The following CNKSR2 variants were observed in gnomAD, a reference collection of about 807,000 sequenced individuals.
The protein encoded by CNKSR2 is connector enhancer of kinase suppressor of Ras 2.
CNKSR2 carries 14 observed loss-of-function variants against 84.4 expected under a neutral mutation model. The observed-to-expected ratio is 0.17, with a 90% confidence interval of 0.11 to 0.26. CNKSR2 has a LOEUF of 0.26. Ranked by LOEUF, CNKSR2 falls within the 10% of genes least tolerant of loss-of-function variation. CNKSR2 has a pLI of 1.00. For missense variants in CNKSR2, 485 were observed against 771.2 expected, an observed-to-expected ratio of 0.63 and a Z score of 4.40; for synonymous variants, 275 against 277.9, an observed-to-expected ratio of 0.99 and a Z score of 0.10.
At chrX:21,631,029 T>A (rs963669892) in intron 20 of CNKSR2, among the ~76,000 whole-genome samples, 22 of 110,199 alleles carry the variant, frequency 2.0e-4, no homozygotes, top group African/African-American at 7.0e-4. Context: ...GGATTTTTTT[T>A]TAAAAAAAAA....
chrX:21,510,367 G>C (rs957121034), intron 8 of CNKSR2, among the ~76,000 whole-genome samples: 8 of 110,305 alleles, frequency 7.3e-5, no homozygotes, highest in Admixed American at 4.8e-4. Flanking sequence ...TAAAAAAAAA[G>C]GTCTGGGTTG....
chrX:21,411,060 C>G (rs1196771558), intron 1 of CNKSR2, among the ~76,000 whole-genome samples: 1 of 111,044 alleles, frequency 9.0e-6, no homozygotes. Context: ...TTATTTCAGT[C>G]ATATTTAATA....
intron 4 of CNKSR2, among the ~76,000 whole-genome samples, chrX:21,453,704 T>G (rs1476580084): frequency 8.9e-6 from 1 of 111,757 alleles, no homozygotes; most frequent in African/African-American, 3.3e-5. Flanking sequence ...CTGGGTAATT[T>G]ATAAAGAAAA....
chrX:21,465,019 C>T (rs747796249), intron 4 of CNKSR2, among the ~76,000 whole-genome samples: 10 of 112,086 alleles, frequency 8.9e-5, no homozygotes, highest in African/African-American at 2.9e-4. Flanking sequence ...TTCTTATTGA[C>T]TGTGCATTTG....
At chrX:21,495,818 A>C (rs1300847068) in intron 6 of CNKSR2, 3 of 100,107 alleles carry the variant, frequency 3.0e-5, no homozygotes, top group South Asian at 9.3e-4. Context: ...AAAAAAAAAA[A>C]AAAACACGAA....
chrX:21,615,850 G>A (rs1210023310), intron 20 of CNKSR2, among the ~76,000 whole-genome samples: 2 of 110,979 alleles, frequency 1.8e-5, no homozygotes, highest in Admixed American at 1.9e-4. Flanking sequence ...TGCTTTTGTA[G>A]GTCAAAATGA....
At chrX:21,633,411 G>T (rs1443544538) in intron 20 of CNKSR2, among the ~76,000 whole-genome samples, 3 of 112,090 alleles carry the variant, frequency 2.7e-5, no homozygotes, top group Non-Finnish European at 1.9e-5. Context: ...CACCATAAAG[G>T]TGCCGTAAAT....
chrX:21,590,036 A>T (rs1333315294), intron 13 of CNKSR2, among the ~76,000 whole-genome samples: 3 of 111,488 alleles, frequency 2.7e-5, no homozygotes, highest in Non-Finnish European at 5.7e-5. Context: ...GGGTGCTGAC[A>T]TCATCTACAT....
intron 20 of CNKSR2, among the ~76,000 whole-genome samples, chrX:21,624,544 C>G (rs2092614800): frequency 1.8e-5 from 2 of 111,211 alleles, no homozygotes; most frequent in African/African-American, 6.5e-5. Context: ...GAGTCTCACT[C>G]TGTTGCCCAG....
chrX:21,644,971 A>G (rs1287824057), intron 20 of CNKSR2: 1 of 112,255 alleles, frequency 8.9e-6, no homozygotes, highest in Admixed American at 9.5e-5. Context: ...TGAGAAATGC[A>G]TTATGATCTT....
At chrX:21,500,061 A>G (rs141727876) in intron 7 of CNKSR2, among the ~76,000 whole-genome samples, 57 of 110,858 alleles carry the variant, frequency 5.1e-4, no homozygotes, top group African/African-American at 1.5e-3. Context: ...GTTTCATGGT[A>G]CTTGTCTGAC....
intron 17 of CNKSR2, among the ~76,000 whole-genome samples, chrX:21,596,568 G>A (rs897437897): frequency 3.6e-5 from 4 of 110,684 alleles, no homozygotes; most frequent in African/African-American, 1.3e-4. Flanking sequence ...GCACAAAACT[G>A]TATAGCTGCA....
In CNKSR2 at chrX:21,432,728, G is replaced by T; in HGVS notation, c.345G>T (p.Arg115Ser). 1 of 1,210,387 alleles carries T rather than the reference G, an allele frequency of 8.3e-7. No homozygotes were observed. Among genetic ancestry groups the T allele is most frequent in the Non-Finnish European group, 1.1e-6 (1 of 894,910 alleles). The change falls in exon 3 of 22, where the codon AGG becomes AGT. Residue 115 changes from arginine (R) to serine (S), a missense_variant. This residue lies in a region of CNKSR2 where 109 missense variants were observed against 197.5 expected (regional missense o/e 0.55). Transcript: ENST00000379510. ...GRRRSGHYDG[R>S]TSRKLPNDFL... The stretch of plus-strand genomic sequence containing the variant: ...GAAGGAGTGGCCATTATGATGGGAG[G>T]ACCAGCCGAAAATTGCCAAACGACT...
intron 13 of CNKSR2, among the ~76,000 whole-genome samples, chrX:21,564,836 C>A (rs770095229): frequency 4.5e-5 from 5 of 110,621 alleles, no homozygotes; most frequent in Non-Finnish European, 9.5e-5. Flanking sequence ...TACATACTCT[C>A]AGAAGTCTCT....
chrX:21,582,552 C>G (rs918951834), intron 13 of CNKSR2, among the ~76,000 whole-genome samples: 1 of 111,664 alleles, frequency 9.0e-6, no homozygotes, highest in Non-Finnish European at 1.9e-5. Flanking sequence ...AATTTTGACT[C>G]TACCCCTACC....
At chrX:21,597,246 G>C (rs1048613705) in intron 17 of CNKSR2, among the ~76,000 whole-genome samples, 2 of 111,664 alleles carry the variant, frequency 1.8e-5, no homozygotes, top group African/African-American at 6.5e-5. Flanking sequence ...GTTAGCAGTA[G>C]CTTCAAAAGG....
chrX:21,486,016 T>C (rs2147176300), intron 5 of CNKSR2, among the ~76,000 whole-genome samples: 1 of 111,113 alleles, frequency 9.0e-6, no homozygotes, highest in Admixed American at 9.6e-5. Flanking sequence ...GAGCCTGTAG[T>C]CCCAGCTGCT....
At chrX:21,515,540 T>C (rs761456971) in intron 8 of CNKSR2, among the ~76,000 whole-genome samples, 1 of 111,516 alleles carries the variant, frequency 9.0e-6, no homozygotes, top group African/African-American at 3.3e-5. Flanking sequence ...TTCTCTCTTC[T>C]AAATGTGAAT....
chrX:21,591,918 A>T (rs781432583), intron 15 of CNKSR2: 1 of 111,868 alleles, frequency 8.9e-6, no homozygotes, highest in African/African-American at 3.2e-5. Flanking sequence ...TAGTTTTTTA[A>T]AACAATGATT....
Sources: gnomAD v4.1 joint callset for allele counts (sites outside exome capture counted in the v4.1 genomes callset) on GRCh38, gnomAD v4.1.1 for gene constraint, gnomAD v4.1.1 regional missense constraint, MANE v1.5 for transcripts, NCBI Gene and HGNC (gene_info 2026-07-23, HGNC 2026-07-21) for gene names.